The following NYAP2 variants were observed in gnomAD, a reference collection of about 807,000 sequenced individuals.
NYAP2 encodes the protein neuronal tyrosine-phosphorylated phosphoinositide-3-kinase adapter 2.
Under a neutral mutation model 50.4 loss-of-function variants are expected in NYAP2, and 23 were observed. That is an observed-to-expected ratio of 0.46 (90% confidence interval 0.33 to 0.65). The LOEUF (loss-of-function observed/expected upper bound fraction) is 0.65. Ranked by LOEUF, NYAP2 falls within the 30% of genes least tolerant of loss-of-function variation. NYAP2 has a pLI of 0.02. For missense variants in NYAP2, 885 were observed against 861.0 expected (o/e 1.03, Z -0.35); for synonymous variants, 394 against 365.2 (o/e 1.08, Z -0.90).
intron 2 of NYAP2, among the ~76,000 whole-genome samples, chr2:225,404,534 A>G (rs1694908935): frequency 6.6e-6 from 1 of 152,040 alleles, no homozygotes; most frequent in Admixed American, 6.6e-5. Flanking sequence ...TGTTAACTCA[A>G]TAAACAGTTA....
intron 3 of NYAP2, among the ~76,000 whole-genome samples, chr2:225,463,951 C>T (rs968729022): frequency 3.9e-5 from 6 of 152,150 alleles, no homozygotes; most frequent in African/African-American, 1.4e-4. Flanking sequence ...GTAGAGATTA[C>T]AGCTAGAATG....
intron 4 of NYAP2, among the ~76,000 whole-genome samples, chr2:225,553,370 C>G (rs1275589877): frequency 6.6e-6 from 1 of 152,214 alleles, no homozygotes; most frequent in Non-Finnish European, 1.5e-5. Flanking sequence ...ACAGAATAAA[C>G]AAGGTTGCAG....
chr2:225,449,640 A>T (rs1689618140), intron 3 of NYAP2, among the ~76,000 whole-genome samples: 1 of 128,742 alleles, frequency 7.8e-6, no homozygotes, highest in South Asian at 2.3e-4. Flanking sequence ...ACAGAGTCTA[A>T]CTTTGTTGCC....
intron 5 of NYAP2, among the ~76,000 whole-genome samples, chr2:225,617,227 G>A (rs1296125290): frequency 6.6e-6 from 1 of 152,070 alleles, no homozygotes; most frequent in East Asian, 1.9e-4. Flanking sequence ...AGGAGTTTGA[G>A]ACCAGCCTGG....
At chr2:225,474,672 CTT>C (rs1408068819) in intron 3 of NYAP2, among the ~76,000 whole-genome samples, 2 of 152,202 alleles carry the variant, frequency 1.3e-5, no homozygotes, top group African/African-American at 4.8e-5. Flanking sequence ...TATCCTGAGA[CTT>C]TGCTGAAGTT....
intron 3 of NYAP2, among the ~76,000 whole-genome samples, chr2:225,464,549 C>G (rs1689885001): frequency 6.6e-6 from 1 of 152,172 alleles, no homozygotes; most frequent in Non-Finnish European, 1.5e-5. Flanking sequence ...GGTAACTGGG[C>G]AGCGCATGAG....
chr2:225,445,108 C>T (rs138716661), intron 3 of NYAP2, among the ~76,000 whole-genome samples: 12 of 152,028 alleles, frequency 7.9e-5, no homozygotes, highest in South Asian at 4.2e-4. Context: ...TTTTCTGTGG[C>T]GAAACATTAA....
chr2:225,509,027 A>G (rs1432669017), intron 3 of NYAP2, among the ~76,000 whole-genome samples: 1 of 152,184 alleles, frequency 6.6e-6, no homozygotes, highest in Non-Finnish European at 1.5e-5. Context: ...GGGTGCAGTT[A>G]GTGAGATAAA....
downstream of NYAP2, among the ~76,000 whole-genome samples, chr2:225,656,467 C>T (rs1458585462): frequency 2.6e-5 from 4 of 152,156 alleles, no homozygotes; most frequent in African/African-American, 9.7e-5. Context: ...TTCCCCTTTG[C>T]TTGACGACCT....
chr2:225,678,804 T>C, the NYAP2 span, among the ~76,000 whole-genome samples: 1 of 152,118 alleles, frequency 6.6e-6, no homozygotes, highest in Non-Finnish European at 1.5e-5. Flanking sequence ...TGTGCAGACA[T>C]ATGGAATTTC....
At chr2:225,662,900 A>G in the NYAP2 span, among the ~76,000 whole-genome samples, 1 of 152,226 alleles carries the variant, frequency 6.6e-6, no homozygotes, top group Admixed American at 6.5e-5. Flanking sequence ...ACCCTTGGAG[A>G]AAGCAAACAC....
At chr2:225,412,388 A>G (rs776128397) in intron 3 of NYAP2, among the ~76,000 whole-genome samples, 4 of 151,056 alleles carry the variant, frequency 2.6e-5, no homozygotes, top group Non-Finnish European at 4.4e-5. Flanking sequence ...AGAAAGGGAA[A>G]AATTACTGTT....
At chr2:225,585,207 A>C (rs777620705) in intron 5 of NYAP2, among the ~76,000 whole-genome samples, 4 of 152,046 alleles carry the variant, frequency 2.6e-5, no homozygotes, top group Non-Finnish European at 5.9e-5. Context: ...ATAAGAGAAA[A>C]TATTTTTTAA....
rs139211965 is a variant in NYAP2, at chr2:225,483,421, G to T, written c.222-29950G>T. ...CCATCCAAAATCCCTGCCCTGGTTT[G>T]AGCAGAGACTTTGAAAAGAAATAGT... On this transcript the variant is annotated intron_variant, in intron 3 of 6. Transcript: ENST00000636099. 3.4e-4 allele frequency among the ~76,000 whole-genome samples: 52 copies of T among 152,262 alleles called. No individual in the cohort carries two copies. The East Asian group carries it at 9.3e-3, about 27-fold the overall frequency.
chr2:225,440,831 T>C (rs952699934), intron 3 of NYAP2, among the ~76,000 whole-genome samples: 11 of 152,172 alleles, frequency 7.2e-5, no homozygotes, highest in Non-Finnish European at 1.2e-4. Context: ...TTGCCTAGAA[T>C]TTTGAGAACC....
chr2:225,528,216 C>G (rs992770249), intron 4 of NYAP2, among the ~76,000 whole-genome samples: 3 of 152,290 alleles, frequency 2.0e-5, no homozygotes, highest in Admixed American at 6.5e-5. Context: ...ATGCAGCTAT[C>G]TGGTTGAATG....
chr2:225,690,745 G>A, the NYAP2 span, among the ~76,000 whole-genome samples: 1 of 151,962 alleles, frequency 6.6e-6, no homozygotes, highest in East Asian at 1.9e-4. Flanking sequence ...TTCTATAACT[G>A]ATTTCAAATC....
At chr2:225,576,221 T>C (rs1692167769) in intron 4 of NYAP2, among the ~76,000 whole-genome samples, 2 of 152,222 alleles carry the variant, frequency 1.3e-5, no homozygotes, top group African/African-American at 4.8e-5. Flanking sequence ...GTTGAGCCAG[T>C]TCCATGCCTT....
chr2:225,451,107 A>G (rs1290560059), intron 3 of NYAP2, among the ~76,000 whole-genome samples: 1 of 152,178 alleles, frequency 6.6e-6, no homozygotes, highest in Non-Finnish European at 1.5e-5. Flanking sequence ...AATGAATTAA[A>G]TTAAAAGGAA....
Sources: allele counts gnomAD v4.1 joint callset (sites outside exome capture counted in the v4.1 genomes callset), GRCh38; gene constraint gnomAD v4.1.1; transcripts MANE v1.5; gene names NCBI Gene and HGNC (gene_info 2026-07-23, HGNC 2026-07-21).